Variants in KCTD7 observed in about 807,000 individuals in gnomAD.
KCTD7 encodes BTB/POZ domain-containing protein KCTD7.
Under a neutral mutation model 27.0 loss-of-function variants are expected in KCTD7, and 15 were observed. The observed-to-expected ratio is 0.56, with a 90% CI of 0.37 to 0.86. KCTD7 has a LOEUF of 0.86. Among genes scored for constraint, KCTD7 ranks in the 40% least tolerant of loss-of-function variants. KCTD7 has a pLI of 0.00. For synonymous variants in KCTD7, 159 were observed against 162.7 expected (o/e 0.98, Z 0.17); for missense variants, 299 against 398.9 (o/e 0.75, Z 2.13).
At chr7:66,633,477 T>G in intron 2 of KCTD7, 33 bp downstream of exon 2, 18 of 1,604,978 alleles carry the variant, frequency 1.1e-5, no homozygotes, top group Non-Finnish European at 1.5e-5. Context: ...AACTTTGTAG[T>G]CCTAGCAGGT....
At position 66,641,592 on chromosome 7, in the gene KCTD7, C is replaced by A; in HGVS notation, c.*2360C>A. On this transcript the variant is annotated 3_prime_UTR_variant, in exon 4 of 4. Coordinates refer to ENST00000639828, the MANE Select transcript of KCTD7 (RefSeq NM_153033.5). ...GCTGGAGAAATCCCTGTTTCTCTGACTCCCTTTGTGATCCTCACAGTAATG... is the reference window on the plus strand; with the variant it reads ...GCTGGAGAAATCCCTGTTTCTCTGAATCCCTTTGTGATCCTCACAGTAATG... The A allele has an allele frequency of 1.0e-6, 1 of 985,448 alleles. No individual in the cohort carries two copies. Among genetic ancestry groups the A allele is most frequent in the Non-Finnish European group, 1.2e-6 (1 of 829,938 alleles). The allele number at this position is 985,448 out of a possible 1,614,324, so 61.0% of individuals were successfully genotyped here. A position where few individuals can be genotyped will look rare whatever the true frequency, so the allele number is the denominator to read the frequency against.
At chr7:66,634,212 A>ATCTATCTG (rs1786528770) in intron 2 of KCTD7, among the ~76,000 whole-genome samples, 1 of 148,928 alleles carries the variant, frequency 6.7e-6, no homozygotes, top group Admixed American at 6.7e-5. Context: ...CTATCTATCT[A>ATCTATCTG]TCTATCTATC....
In KCTD7 at chr7:66,641,892, A is replaced by C. The variant is rs1167921521; in HGVS notation, c.*2660A>C. ...CTCTAAATGGCCAGGCCCAGAACAG[A>C]AGAAGGGTTGGGTCTGGAAGGAAGG... On this transcript the variant is annotated 3_prime_UTR_variant, in exon 4 of 4. Transcript: ENST00000639828. 5 of 985,270 alleles carry C rather than the reference A, an allele frequency of 5.1e-6. No homozygotes were observed. The highest frequency in any genetic ancestry group is 6.0e-6 in the Non-Finnish European group (5 of 829,926). 61.0% of individuals were successfully genotyped at this position (985,270 alleles called of 1,614,324 possible). A position where few individuals can be genotyped will look rare whatever the true frequency, so the allele number is the denominator to read the frequency against.
At chr7:66,634,024 T>G (rs1276162307) in intron 2 of KCTD7, among the ~76,000 whole-genome samples, 1 of 150,384 alleles carries the variant, frequency 6.6e-6, no homozygotes, top group Non-Finnish European at 1.5e-5. Context: ...TATTTATTAT[T>G]TATTTATTTA....
At chr7:66,632,055 A>T (rs1231146587) in intron 1 of KCTD7, among the ~76,000 whole-genome samples, 1 of 152,226 alleles carries the variant, frequency 6.6e-6, no homozygotes, top group Non-Finnish European at 1.5e-5. Context: ...CAGTCGAAGA[A>T]TGTGTCATTA....
chr7:66,640,111 A>G lies in KCTD7; in HGVS notation c.*879A>G. ...AGAACACCTCCTTGGCTGCTATCTCATGTGTTAGAATCCAGTTTGTGGTGA... is the reference window on the plus strand; with the variant it reads ...AGAACACCTCCTTGGCTGCTATCTCGTGTGTTAGAATCCAGTTTGTGGTGA... On this transcript the variant is annotated 3_prime_UTR_variant, in exon 4 of 4. Coordinates refer to ENST00000639828, the MANE Select transcript of KCTD7 (RefSeq NM_153033.5). The G allele has an allele frequency of 1.5e-6, 2 of 1,329,552 alleles. No homozygotes were observed. The highest frequency in any genetic ancestry group is 2.9e-5 in the East Asian group (1 of 34,788). 82.4% of individuals were successfully genotyped at this position (1,329,552 alleles called of 1,614,324 possible). A position where few individuals can be genotyped will look rare whatever the true frequency, so the allele number is the denominator to read the frequency against.
At chr7:66,632,564 A>T (rs1055488246) in intron 1 of KCTD7, among the ~76,000 whole-genome samples, 1 of 152,096 alleles carries the variant, frequency 6.6e-6, no homozygotes, top group South Asian at 2.1e-4. Flanking sequence ...TGAACAACCT[A>T]TAACACTGTA....
chr7:66,630,546 GGAGGCCCTCAACAATT>G (rs1786421913), intron 1 of KCTD7, among the ~76,000 whole-genome samples: 1 of 152,194 alleles, frequency 6.6e-6, no homozygotes, highest in Admixed American at 6.5e-5. Flanking sequence ...CCAGGACAAT[GGAGGCCCTCAACAATT>G]GAGGCCCTCA....
In KCTD7 at chr7:66,639,267, A is replaced by T; in HGVS notation, c.*35A>T. 6.2e-7 allele frequency: 1 copy of T among 1,603,966 alleles called. No individual in the cohort carries two copies. Among genetic ancestry groups the T allele is most frequent in the Non-Finnish European group, 8.5e-7 (1 of 1,179,950 alleles). On this transcript the variant is annotated 3_prime_UTR_variant, in exon 4 of 4. Transcript: ENST00000639828. Reference sequence around the variant, plus strand: ...GTAGGCGAGAGTCCCATCAGGGAGGATGTCCACCTTGCTTGGTGGCTCTGG... The same window carrying T: ...GTAGGCGAGAGTCCCATCAGGGAGGTTGTCCACCTTGCTTGGTGGCTCTGG...
rs1786722731 is a variant in KCTD7 at position 66,641,732 on chromosome 7, A to G, written c.*2500A>G. The stretch of plus-strand genomic sequence containing the variant: ...ATGGAGTGAAGGAATTCAGTGGCCT[A>G]GTTTCGCCATTCTCTAATGAGAAAC... On this transcript the variant is annotated 3_prime_UTR_variant, in exon 4 of 4. Transcript: ENST00000639828. 1.0e-6 allele frequency: 1 copy of G among 985,430 alleles called. No homozygotes were observed. Among genetic ancestry groups the G allele is most frequent in the Non-Finnish European group, 1.2e-6 (1 of 829,928 alleles). The allele number at this position is 985,430 out of a possible 1,614,324, so 61.0% of individuals were successfully genotyped here.
chr7:66,634,436 CCAT>C (rs766914340), intron 2 of KCTD7, among the ~76,000 whole-genome samples: 50 of 151,796 alleles, frequency 3.3e-4, no homozygotes, highest in Non-Finnish European at 6.5e-4. Flanking sequence ...TTCACCAGTG[CCAT>C]CATAGCTCAC....
Position 66,640,155 on chromosome 7 carries a change from C to A in KCTD7, c.*923C>A. ...GTGGTGAACCTCTTTGGAAGGGGAC[C>A]CCCTCTCTTTAAACCCTGTTCCTCT... is the stretch of plus-strand genomic sequence containing the variant. On this transcript the variant is annotated 3_prime_UTR_variant, in exon 4 of 4. Coordinates refer to ENST00000639828, the MANE Select transcript of KCTD7 (RefSeq NM_153033.5). 1.5e-6 allele frequency: 2 copies of A among 1,359,512 alleles called. No individual in the cohort carries two copies. The highest frequency in any genetic ancestry group is 2.1e-5 in the South Asian group (1 of 48,154). 84.2% of individuals were successfully genotyped at this position (1,359,512 alleles called of 1,614,324 possible). A position where few individuals can be genotyped will look rare whatever the true frequency, so the allele number is the denominator to read the frequency against.
Position 66,629,483 on chromosome 7 carries a change from G to A in KCTD7, c.144+275G>A, listed in dbSNP as rs912169541. ...TGGGGTGATTTACTCCCATCGCCAT[G>A]TCCCACTTTTACCGAAGACAGGAGG... On this transcript the variant is annotated intron_variant, in intron 1 of 3. Transcript: ENST00000639828. Among the ~76,000 whole-genome samples, 7 of 151,454 alleles carry A rather than the reference G, an allele frequency of 4.6e-5. No homozygotes were observed. In the East Asian group the frequency reaches 1.2e-3, roughly 26 times the overall value.
Position 66,642,636 on chromosome 7 carries a change from T to C in KCTD7, c.*3404T>C, listed in dbSNP as rs1206471914. Reference sequence around the variant, plus strand: ...ATCCATATTTGATTCCAATATACATTATTAAGCTTTCTTGGGTACTATTTT... The same window carrying C: ...ATCCATATTTGATTCCAATATACATCATTAAGCTTTCTTGGGTACTATTTT... On this transcript the variant is annotated 3_prime_UTR_variant, in exon 4 of 4. Transcript: ENST00000639828. 7.1e-6 allele frequency: 7 copies of C among 985,294 alleles called. No homozygotes were observed. In the East Asian group the frequency reaches 6.8e-4, roughly 96 times the overall value. 61.0% of individuals were successfully genotyped at this position (985,294 alleles called of 1,614,324 possible).
intron 2 of KCTD7, among the ~76,000 whole-genome samples, chr7:66,637,744 A>T (rs1267095764): frequency 6.6e-6 from 1 of 152,168 alleles, no homozygotes; most frequent in East Asian, 1.9e-4. Flanking sequence ...TTAACTGGGA[A>T]GTGGCATGAG....
At position 66,640,385 on chromosome 7, in the gene KCTD7, C is replaced by T. The variant is rs1390217085; in HGVS notation, c.*1153C>T. The stretch of plus-strand genomic sequence containing the variant: ...TGTATATTTTGGTTTACTTACTCCT[C>T]TATTTCAGAAATTGAAAAAGATCCC... On this transcript the variant is annotated 3_prime_UTR_variant, in exon 4 of 4. Transcript: ENST00000639828. 3 of 1,537,298 alleles carry T rather than the reference C, an allele frequency of 2.0e-6. No homozygotes were observed. The highest frequency in any genetic ancestry group is 2.6e-6 in the Non-Finnish European group (3 of 1,146,896).
At position 66,633,362 on chromosome 7, in the gene KCTD7, GCAGCCATGT is replaced by G; in HGVS notation, c.233_241del (p.Ala78_Phe81delinsVal). ...GCGGTGCTACGAAGACACCATGTTG[GCAGCCATGT>G]TCAGTGGGCGGCACTACATCCCCAC... On this transcript the variant is annotated inframe_deletion, in exon 2 of 4. Coordinates refer to ENST00000639828, the MANE Select transcript of KCTD7 (RefSeq NM_153033.5). 1 of 1,613,980 alleles carries G rather than the reference GCAGCCATGT, an allele frequency of 6.2e-7. No homozygotes were observed. The highest frequency in any genetic ancestry group is 8.5e-7 in the Non-Finnish European group (1 of 1,179,950).
chr7:66,633,610 T>G (rs1487330954), intron 2 of KCTD7, among the ~76,000 whole-genome samples, 166 bp downstream of exon 2: 3 of 151,842 alleles, frequency 2.0e-5, no homozygotes, highest in Non-Finnish European at 2.9e-5. Context: ...TTTTTTTTTT[T>G]GCCAAAGGAG....
In KCTD7 at chr7:66,642,586, A is replaced by G. The variant is rs866413605; in HGVS notation, c.*3354A>G. On this transcript the variant is annotated 3_prime_UTR_variant, in exon 4 of 4. Transcript: ENST00000639828. ...GCGTTTTGATCCTAGTAATATTTCA[A>G]ATATTGTCCTTCTGCATATGTTCTA... 8.1e-6 allele frequency: 8 copies of G among 985,314 alleles called. No individual in the cohort carries two copies. The highest frequency in any genetic ancestry group is 3.5e-5 in the African/African-American group (2 of 57,222). The allele number at this position is 985,314 out of a possible 1,614,324, so 61.0% of individuals were successfully genotyped here.
Sources: gnomAD v4.1 joint callset for allele counts (sites outside exome capture counted in the v4.1 genomes callset) on GRCh38, gnomAD v4.1.1 for gene constraint, MANE v1.5 for transcripts, NCBI Gene and HGNC (gene_info 2026-07-23, HGNC 2026-07-21) for gene names.